The following KIAA1958 variants were observed in gnomAD, a reference collection of about 807,000 sequenced individuals.
KIAA1958 encodes the protein KIAA1958, also known as uncharacterized protein KIAA1958.
In KIAA1958, 14 loss-of-function variants were observed where a neutral mutation model predicts 47.2. That is an observed-to-expected ratio of 0.30 (90% CI 0.20 to 0.46). The LOEUF (loss-of-function observed/expected upper bound fraction) is 0.46. Among genes scored for constraint, KIAA1958 ranks in the 20% least tolerant of loss-of-function variants. The pLI, the probability that KIAA1958 is intolerant of heterozygous loss-of-function variation, is 1.00. For missense variants in KIAA1958, 803 were observed against 909.2 expected, an observed-to-expected ratio of 0.88 and a Z score of 1.50; for synonymous variants, 354 against 353.3, an observed-to-expected ratio of 1.00 and a Z score of -0.02.
chr9:112,584,485 T>C (rs1373972011), intron 2 of KIAA1958, among the ~76,000 whole-genome samples: 2 of 152,208 alleles, frequency 1.3e-5, no homozygotes. Flanking sequence ...TGTGGAGTAT[T>C]TTTGTTAGAA....
chr9:112,616,600 A>G (rs1836411372), intron 2 of KIAA1958, among the ~76,000 whole-genome samples: 1 of 152,230 alleles, frequency 6.6e-6, no homozygotes, highest in African/African-American at 2.4e-5. Flanking sequence ...GTTGTTTGAA[A>G]TTAACCTCTG....
chr9:112,569,761 C>T (rs1835501269), intron 1 of KIAA1958, among the ~76,000 whole-genome samples: 1 of 152,032 alleles, frequency 6.6e-6, no homozygotes, highest in Non-Finnish European at 1.5e-5. Context: ...GCTGGGATCA[C>T]AGGTGTGCGC....
At chr9:112,606,359 A>G (rs997699288) in intron 2 of KIAA1958, among the ~76,000 whole-genome samples, 3 of 152,140 alleles carry the variant, frequency 2.0e-5, no homozygotes, top group African/African-American at 7.2e-5. Flanking sequence ...TTAAATAAAT[A>G]CCTGATCTGC....
intron 1 of KIAA1958, among the ~76,000 whole-genome samples, chr9:112,556,974 T>C (rs1835253008): frequency 6.6e-6 from 1 of 152,134 alleles, no homozygotes; most frequent in Admixed American, 6.6e-5. Context: ...CCTTCAGTAT[T>C]CATTCAGTGT....
At chr9:112,626,146 A>AG (rs1408135814) in intron 2 of KIAA1958, among the ~76,000 whole-genome samples, 2 of 152,176 alleles carry the variant, frequency 1.3e-5, no homozygotes, top group South Asian at 2.1e-4. Context: ...GAGATAGTAA[A>AG]GGGGAAAAAT....
At chr9:112,521,577 T>A (rs1834544991) in intron 1 of KIAA1958, among the ~76,000 whole-genome samples, 1 of 152,230 alleles carries the variant, frequency 6.6e-6, no homozygotes, top group African/African-American at 2.4e-5. Context: ...ATTATCATGT[T>A]AATTTTTAGT....
intron 1 of KIAA1958, among the ~76,000 whole-genome samples, chr9:112,571,482 C>G (rs1482965931): frequency 1.3e-5 from 2 of 152,166 alleles, no homozygotes; most frequent in African/African-American, 4.8e-5. Flanking sequence ...GTGTCCTTGG[C>G]CATGACTGTG....
At position 112,544,570 on chromosome 9, in the gene KIAA1958, T is replaced by G. The variant is rs575704904; in HGVS notation, c.-24-29487T>G. Among the ~76,000 whole-genome samples, 5 of 152,324 alleles carry G rather than the reference T, an allele frequency of 3.3e-5. No individual in the cohort carries two copies. The East Asian group carries it at 5.8e-4, about 18-fold the overall frequency. Reference sequence around the variant, plus strand: ...GACTTGCTCAAAGTCATGTGACTATTTAGGGGGCAGCCCCCAGTTGCTGAA... The same window carrying G: ...GACTTGCTCAAAGTCATGTGACTATGTAGGGGGCAGCCCCCAGTTGCTGAA... On this transcript the variant is annotated intron_variant, in intron 1 of 3. Coordinates refer to ENST00000337530, the MANE Select transcript of KIAA1958 (RefSeq NM_133465.4).
chr9:112,554,392 T>C (rs1588015654), intron 1 of KIAA1958, among the ~76,000 whole-genome samples: 1 of 151,838 alleles, frequency 6.6e-6, no homozygotes, highest in East Asian at 1.9e-4. Flanking sequence ...CAGCTACTCA[T>C]GAGACTGAGG....
At chr9:112,635,891 A>G (rs1369977623) in intron 2 of KIAA1958, among the ~76,000 whole-genome samples, 1 of 151,210 alleles carries the variant, frequency 6.6e-6, no homozygotes, top group Non-Finnish European at 1.5e-5. Context: ...CCTTCCTTCT[A>G]CTTTTTTGGA....
At chr9:112,612,768 C>G (rs1340597079) in intron 2 of KIAA1958, among the ~76,000 whole-genome samples, 2 of 152,150 alleles carry the variant, frequency 1.3e-5, no homozygotes, top group Admixed American at 6.6e-5. Flanking sequence ...GAAATTCATT[C>G]TATAGATATA....
chr9:112,635,166 C>T (rs1471099493), intron 2 of KIAA1958, among the ~76,000 whole-genome samples: 1 of 150,796 alleles, frequency 6.6e-6, no homozygotes, highest in Non-Finnish European at 1.5e-5. Context: ...GAAGAATTTA[C>T]TGGTGAAACC....
At chr9:112,547,281 G>A (rs914772360) in intron 1 of KIAA1958, among the ~76,000 whole-genome samples, 11 of 151,372 alleles carry the variant, frequency 7.3e-5, no homozygotes, top group African/African-American at 2.7e-4. Flanking sequence ...AGGAGGCTGA[G>A]GCCTGAGAAT....
chr9:112,552,959 C>T lies in KIAA1958; in HGVS notation c.-24-21098C>T, dbSNP rs969334482. 2.6e-5 allele frequency among the ~76,000 whole-genome samples: 4 copies of T among 151,962 alleles called. No individual in the cohort carries two copies. In the South Asian group the frequency reaches 6.2e-4, roughly 24 times the overall value. ...AGCGGGGAGCACTGAGCCTGGTGCG[C>T]GCACAGGGTTCAGGAATGTCACTTG... On this transcript the variant is annotated intron_variant, in intron 1 of 3. Transcript: ENST00000337530.
At chr9:112,513,068 G>A (rs949916092) in intron 1 of KIAA1958, among the ~76,000 whole-genome samples, 2 of 144,696 alleles carry the variant, frequency 1.4e-5, no homozygotes, top group African/African-American at 2.6e-5. Flanking sequence ...GCAGTGGCGC[G>A]ATCTCGGCTC....
At chr9:112,599,146 T>A (rs1836085758) in intron 2 of KIAA1958, among the ~76,000 whole-genome samples, 1 of 152,232 alleles carries the variant, frequency 6.6e-6, no homozygotes. Context: ...TTCCAATGGC[T>A]ATCTTTGGAT....
intron 3 of KIAA1958, among the ~76,000 whole-genome samples, chr9:112,647,901 G>T (rs756190249): frequency 6.6e-6 from 1 of 152,194 alleles, no homozygotes; most frequent in Non-Finnish European, 1.5e-5. Flanking sequence ...GTTTAGAAAG[G>T]CTGAGGATAC....
At chr9:112,560,242 C>T (rs1164896985) in intron 1 of KIAA1958, among the ~76,000 whole-genome samples, 1 of 140,082 alleles carries the variant, frequency 7.1e-6, no homozygotes, top group Non-Finnish European at 1.5e-5. Context: ...GCTGCGTCAT[C>T]CAGGGTGGAG....
At chr9:112,622,140 G>GA (rs368341389) in intron 2 of KIAA1958, among the ~76,000 whole-genome samples, 3 of 152,170 alleles carry the variant, frequency 2.0e-5, no homozygotes, top group African/African-American at 7.2e-5. Context: ...ATTAACTTAA[G>GA]AAAAAATCAT....
Sources: allele counts gnomAD v4.1 joint callset (sites outside exome capture counted in the v4.1 genomes callset), GRCh38; gene constraint gnomAD v4.1.1; transcripts MANE v1.5; gene names NCBI Gene and HGNC (gene_info 2026-07-23, HGNC 2026-07-21).